Variants in KHDRBS2 observed in about 807,000 individuals in gnomAD.
KHDRBS2 encodes the protein KH domain-containing, RNA-binding, signal transduction-associated protein 2.
Under a neutral mutation model 44.3 loss-of-function variants are expected in KHDRBS2, and 26 were observed. That is an observed-to-expected ratio of 0.59 (90% CI 0.43 to 0.81). The LOEUF (loss-of-function observed/expected upper bound fraction) is 0.81. Ranked by LOEUF, KHDRBS2 falls within the 40% of genes least tolerant of loss-of-function variation. The probability of loss-of-function intolerance (pLI) is 0.00; values close to 1 mark genes in which losing one functional copy is unlikely to be tolerated. For synonymous variants in KHDRBS2, 194 were observed against 151.1 expected, an observed-to-expected ratio of 1.28 and a Z score of -2.08; for missense variants, 476 against 433.1, an observed-to-expected ratio of 1.10 and a Z score of -0.88.
At chr6:61,970,163 C>A (rs1223143385) in intron 4 of KHDRBS2, among the ~76,000 whole-genome samples, 2 of 151,848 alleles carry the variant, frequency 1.3e-5, no homozygotes, top group African/African-American at 4.8e-5. Context: ...ATCATGCAAT[C>A]TTGTTGACTG....
rs184443711 is a variant in KHDRBS2, at chr6:61,880,576, C to T, written c.810+14059G>A. ...TCTGTACCAGATATTTTGCTTAAAACATTTTAATTTATTTGGAATATAAAA... is the reference window on the plus strand; with the variant it reads ...TCTGTACCAGATATTTTGCTTAAAATATTTTAATTTATTTGGAATATAAAA... On this transcript the variant is annotated intron_variant, in intron 6 of 8. Transcript: ENST00000281156. 1.6e-3 allele frequency among the ~76,000 whole-genome samples: 250 copies of T among 151,986 alleles called. 1 individual carries two copies. Among genetic ancestry groups the T allele is most frequent in the African/African-American group, 5.6e-3 (233 of 41,534 alleles).
the KHDRBS2 span, among the ~76,000 whole-genome samples, chr6:61,661,733 C>T: frequency 6.6e-5 from 10 of 151,630 alleles, no homozygotes; most frequent in Non-Finnish European, 1.3e-4. Flanking sequence ...AACCACTGCT[C>T]AATGAAATAA....
At chr6:62,188,959 C>A (rs1824023445) in intron 1 of KHDRBS2, among the ~76,000 whole-genome samples, 1 of 151,886 alleles carries the variant, frequency 6.6e-6, no homozygotes, top group African/African-American at 2.4e-5. Context: ...ACTAAAAATT[C>A]AAAAGATTAG....
the KHDRBS2 span, among the ~76,000 whole-genome samples, chr6:61,559,764 CACT>C: frequency 1.3e-5 from 2 of 152,128 alleles, no homozygotes; most frequent in Non-Finnish European, 2.9e-5. Context: ...TATCTGATTG[CACT>C]ACGTCTTGAA....
At chr6:61,833,151 A>G (rs1369406828) in intron 6 of KHDRBS2, among the ~76,000 whole-genome samples, 1 of 152,174 alleles carries the variant, frequency 6.6e-6, no homozygotes. Context: ...AAAAGACAAA[A>G]TGGTCAGGCT....
chr6:62,210,654 T>C (rs970810046), intron 1 of KHDRBS2, among the ~76,000 whole-genome samples: 2 of 152,162 alleles, frequency 1.3e-5, no homozygotes, highest in African/African-American at 4.8e-5. Flanking sequence ...ATTATTCCTT[T>C]TCTATAAATA....
intron 6 of KHDRBS2, among the ~76,000 whole-genome samples, chr6:61,756,514 C>G (rs1487152378): frequency 6.6e-6 from 1 of 152,158 alleles, no homozygotes; most frequent in East Asian, 1.9e-4. Context: ...CCAGCCTTGG[C>G]CTCCCAAAGT....
At chr6:61,845,805 T>C (rs566359) in intron 6 of KHDRBS2, among the ~76,000 whole-genome samples, 98,301 of 152,108 alleles carry the variant, frequency 0.65, 32,792 homozygotes, top group African/African-American at 0.82. Flanking sequence ...GCACACCTCT[T>C]GTTTCTTTAC....
chr6:62,015,056 T>A (rs1265220026), intron 3 of KHDRBS2, among the ~76,000 whole-genome samples: 2 of 152,098 alleles, frequency 1.3e-5, no homozygotes, highest in African/African-American at 4.8e-5. Flanking sequence ...GTAATTGAGA[T>A]TAGGGCTGGT....
At chr6:61,839,581 T>A (rs185876753) in intron 6 of KHDRBS2, among the ~76,000 whole-genome samples, 10 of 152,226 alleles carry the variant, frequency 6.6e-5, no homozygotes, top group Admixed American at 6.6e-4. Flanking sequence ...ACTCTCTTAC[T>A]CTTCTAATTT....
chr6:61,745,886 TA>T (rs756741373), intron 6 of KHDRBS2, among the ~76,000 whole-genome samples: 2 of 152,128 alleles, frequency 1.3e-5, no homozygotes, highest in Non-Finnish European at 2.9e-5. Context: ...TAAGTGGGGT[TA>T]AAAATACTTG....
intron 6 of KHDRBS2, among the ~76,000 whole-genome samples, chr6:61,868,968 G>A (rs536789352): frequency 1.3e-5 from 2 of 152,300 alleles, no homozygotes; most frequent in African/African-American, 4.8e-5. Context: ...AGGCCCTGGT[G>A]GAGTGGGTTC....
the KHDRBS2 span, among the ~76,000 whole-genome samples, chr6:61,556,857 G>C: frequency 1.4e-5 from 2 of 138,746 alleles, no homozygotes; most frequent in African/African-American, 2.6e-5. Context: ...AAGGACATCC[G>C]TAAGTGAAAT....
chr6:62,061,819 C>T (rs1445879652), intron 2 of KHDRBS2, among the ~76,000 whole-genome samples: 7 of 148,006 alleles, frequency 4.7e-5, no homozygotes, highest in Non-Finnish European at 7.5e-5. Context: ...ACCAATCAGA[C>T]GTAGATTTGG....
chr6:61,640,543 T>G, the KHDRBS2 span, among the ~76,000 whole-genome samples: 1 of 152,214 alleles, frequency 6.6e-6, no homozygotes, highest in Middle Eastern at 3.4e-3. Context: ...TATTGAATGC[T>G]TAGTGAGTCT....
At chr6:61,871,670 T>A (rs958827694) in intron 6 of KHDRBS2, among the ~76,000 whole-genome samples, 3 of 152,168 alleles carry the variant, frequency 2.0e-5, no homozygotes, top group Admixed American at 6.5e-5. Context: ...GCAGAATCTC[T>A]ACAAGCCAGA....
chr6:61,857,779 G>T (rs539926465), intron 6 of KHDRBS2, among the ~76,000 whole-genome samples: 1 of 151,942 alleles, frequency 6.6e-6, no homozygotes, highest in African/African-American at 2.4e-5. Flanking sequence ...GGCAACTCCT[G>T]CTCTCTGCAA....
intron 2 of KHDRBS2, among the ~76,000 whole-genome samples, chr6:62,176,490 G>A (rs1585071085): frequency 6.6e-6 from 1 of 151,312 alleles, no homozygotes; most frequent in East Asian, 1.9e-4. Context: ...TCACTCTTCA[G>A]AAAGTAAATT....
chr6:62,120,124 C>A (rs993471885), intron 2 of KHDRBS2, among the ~76,000 whole-genome samples: 5 of 152,228 alleles, frequency 3.3e-5, no homozygotes, highest in Non-Finnish European at 7.4e-5. Flanking sequence ...TTTAATGTTG[C>A]AACTCATGGA....
Sources: gnomAD v4.1 joint callset for allele counts (sites outside exome capture counted in the v4.1 genomes callset) on GRCh38, gnomAD v4.1.1 for gene constraint, MANE v1.5 for transcripts, NCBI Gene and HGNC (gene_info 2026-07-23, HGNC 2026-07-21) for gene names.